Variants in CSN2 observed in about 807,000 individuals in gnomAD.
CSN2 encodes beta-casein.
Under a neutral mutation model 27.3 loss-of-function variants are expected in CSN2, and 27 were observed. The ratio of observed to expected loss-of-function variants is 0.99; its 90% CI spans 0.73 to 1.36. CSN2 has a LOEUF of 1.36. Ranked by LOEUF, CSN2 falls within the 40% of genes most tolerant of loss-of-function variation. The pLI is 0.00. For missense variants in CSN2, 333 were observed against 264.5 expected (o/e 1.26, Z -1.80); for synonymous variants, 131 against 94.8 (o/e 1.38, Z -2.22).
intron 5 of CSN2, among the ~76,000 whole-genome samples, chr4:69,958,044 T>C (rs1391199748): frequency 6.6e-6 from 1 of 152,190 alleles, no homozygotes; most frequent in Non-Finnish European, 1.5e-5. Flanking sequence ...GAAATCAATG[T>C]TTGGATATTT....
intron 1 of CSN2, among the ~76,000 whole-genome samples, chr4:69,964,783 A>G (rs1723741396): frequency 6.7e-6 from 1 of 149,578 alleles, no homozygotes; most frequent in Non-Finnish European, 1.5e-5. Context: ...AATTTTATAT[A>G]CGAATGTATA....
intron 1 of CSN2, among the ~76,000 whole-genome samples, chr4:69,964,859 A>ACTCATTTCTAT (rs1175192941): frequency 1.3e-5 from 2 of 150,332 alleles, no homozygotes; most frequent in African/African-American, 2.4e-5. Context: ...TAGTTTTTAT[A>ACTCATTTCTAT]CTCATTTCTA....
At position 69,956,679 on chromosome 4, in the gene CSN2, C is replaced by T. The variant is rs111915818; in HGVS notation, c.676-324G>A. ...GATGTGCACAAGGAAAATGACAGAA[C>T]ATTTTTTAGCTTTTTTTTCCAAATT... is the stretch of plus-strand genomic sequence containing the variant. On this transcript the variant is annotated intron_variant, in intron 6 of 7. Transcript: ENST00000353151. 1.8e-4 allele frequency among the ~76,000 whole-genome samples: 28 copies of T among 152,220 alleles called. 1 individual carries two copies. The highest frequency in any genetic ancestry group is 6.0e-4 in the African/African-American group (25 of 41,562).
chr4:69,960,751 G>A (rs1723547622), intron 2 of CSN2, among the ~76,000 whole-genome samples, 194 bp downstream of exon 2: 1 of 152,046 alleles, frequency 6.6e-6, no homozygotes, highest in African/African-American at 2.4e-5. Flanking sequence ...CATTGGTGCA[G>A]GAAGCATTTG....
At chr4:69,961,063 T>C in intron 1 of CSN2, 56 bp from the exon 2 acceptor site, 1 of 1,242,036 alleles carries the variant, frequency 8.1e-7, no homozygotes, top group Non-Finnish European at 1.2e-6. Context: ...ATATACTTTC[T>C]TATGTAGGTA....
At position 69,957,411 on chromosome 4, in the gene CSN2, G is replaced by C; in HGVS notation, c.538C>G (p.Pro180Ala). 1.9e-6 allele frequency: 3 copies of C among 1,613,644 alleles called. No homozygotes were observed. Among genetic ancestry groups the C allele is most frequent in the African/African-American group, 1.3e-5 (1 of 74,984 alleles). The change falls in exon 6 of 8, where the codon CCC (proline) becomes GCC (alanine). Residue 180 changes from proline (P) to alanine (A), a missense_variant. Coordinates refer to ENST00000353151, the MANE Select transcript of CSN2 (RefSeq NM_001891.4). ...SVPQPKVLPI[P>A]QQVVPYPQRA... ...TGAGGGTAGGGCACCACTTGCTGGGGGATAGGCAGGACTTTGGGCTGAGGA... is the reference window on the plus strand; with the variant it reads ...TGAGGGTAGGGCACCACTTGCTGGGCGATAGGCAGGACTTTGGGCTGAGGA...
chr4:69,956,408 G>T (rs1439474364), intron 6 of CSN2, 53 bp from the exon 7 acceptor site: 12 of 1,291,704 alleles, frequency 9.3e-6, no homozygotes, highest in Non-Finnish European at 1.0e-5. Context: ...AAGAAAACTT[G>T]CCTTAAGAAT....
In CSN2 at chr4:69,960,053, C is replaced by A; in HGVS notation, c.78G>T (p.Glu26Asp). 6.2e-7 allele frequency: 1 copy of A among 1,611,186 alleles called. No homozygotes were observed. The highest frequency in any genetic ancestry group is 1.7e-5 in the Admixed American group (1 of 59,778). Residue 26 changes from glutamate to aspartate, a missense_variant and splice_region_variant, in exon 3 of 8, where the codon GAG becomes GAT. Coordinates refer to ENST00000353151, the MANE Select transcript of CSN2 (RefSeq NM_001891.4). ...RETIESLSSS[E>D]ESITEYKQKV... ...AAAATTGGGTAGAATGTTAACTTAC[C>A]TCACTGCTTGAAAGGCTTTCTATGG...
chr4:69,960,104 C>A (rs752138325), intron 2 of CSN2, 25 bp from the exon 3 acceptor site: 2 of 1,606,534 alleles, frequency 1.2e-6, no homozygotes, highest in East Asian at 2.2e-5. Context: ...AATTGACAAC[C>A]AGCTAAATCT....
Position 69,955,569 on chromosome 4 carries a change from T to A in CSN2, c.*60A>T, listed in dbSNP as rs1220035238. On this transcript the variant is annotated 3_prime_UTR_variant, in exon 8 of 8. Coordinates refer to ENST00000353151, the MANE Select transcript of CSN2 (RefSeq NM_001891.4). ...ACGTGATACAAAGACGGAAAAGGCATCATATTTCCAGTCTCAGTCAATTCT... is the reference window on the plus strand; with the variant it reads ...ACGTGATACAAAGACGGAAAAGGCAACATATTTCCAGTCTCAGTCAATTCT... The A allele has an allele frequency of 6.6e-6, 1 of 152,534 alleles. No individual in the cohort carries two copies. The highest frequency in any genetic ancestry group is 1.5e-5 in the Non-Finnish European group (1 of 67,966). 9.4% of individuals were successfully genotyped at this position (152,534 alleles called of 1,614,324 possible).
In CSN2 at chr4:69,955,437, A is replaced by G. The variant is rs569793530; in HGVS notation, c.*192T>C. ...AAGATTTGGAAAATGTAAATAGTTC[A>G]TGAGTCAAATTTCAAATTAAATGAA... On this transcript the variant is annotated 3_prime_UTR_variant, in exon 8 of 8. Transcript: ENST00000353151. The G allele has an allele frequency of 2.6e-5, 4 of 152,630 alleles. No individual in the cohort carries two copies. Among genetic ancestry groups the G allele is most frequent in the Admixed American group, 1.3e-4 (2 of 15,278 alleles). 9.5% of individuals were successfully genotyped at this position (152,630 alleles called of 1,614,324 possible).
chr4:69,964,629 A>G (rs960003813), intron 1 of CSN2, among the ~76,000 whole-genome samples: 1 of 151,410 alleles, frequency 6.6e-6, no homozygotes, highest in African/African-American at 2.4e-5. Context: ...ATAAGTTCCC[A>G]AATTTTTATG....
chr4:69,960,186 G>A (rs969310964), intron 2 of CSN2, 107 bp from the exon 3 acceptor site: 5 of 944,166 alleles, frequency 5.3e-6, no homozygotes, highest in African/African-American at 5.0e-5. Context: ...TCACCTCAGA[G>A]GATGCATTGG....
chr4:69,958,624 C>A (rs1723476638), intron 5 of CSN2, among the ~76,000 whole-genome samples: 1 of 152,098 alleles, frequency 6.6e-6, no homozygotes, highest in African/African-American at 2.4e-5. Context: ...TAGTTCCCAA[C>A]CTGGAAATGT....
intron 6 of CSN2, among the ~76,000 whole-genome samples, chr4:69,956,666 GA>G (rs1396512636): frequency 6.6e-6 from 1 of 152,104 alleles, no homozygotes; most frequent in African/African-American, 2.4e-5. Context: ...TGTGCACAAG[GA>G]AAATGACAGA....
intron 1 of CSN2, among the ~76,000 whole-genome samples, chr4:69,962,776 A>T (rs1723641138): frequency 6.6e-6 from 1 of 152,232 alleles, no homozygotes; most frequent in Non-Finnish European, 1.5e-5. Context: ...AGCAAAAGAA[A>T]CTACCATCAG....
Position 69,960,070 on chromosome 4 carries a change from T to A in CSN2, c.61A>T (p.Ser21Cys), listed in dbSNP as rs1244627246. 1 of 1,611,964 alleles carries A rather than the reference T, an allele frequency of 6.2e-7. No homozygotes were observed. Among genetic ancestry groups the A allele is most frequent in the South Asian group, 1.1e-5 (1 of 90,958 alleles). The change falls in exon 3 of 8, where the codon AGC (serine) becomes TGC (cysteine). Residue 21 changes from serine (S) to cysteine (C), a missense_variant. Coordinates refer to ENST00000353151, the MANE Select transcript of CSN2 (RefSeq NM_001891.4). ...ALALARETIE[S>C]LSSSEESITE... ...TAACTTACCTCACTGCTTGAAAGGC[T>A]TTCTATGGTCTGTGGGAAAAAAAAA...
intron 5 of CSN2, among the ~76,000 whole-genome samples, 168 bp from the exon 6 acceptor site, chr4:69,957,972 G>A (rs966731904): frequency 6.6e-6 from 1 of 152,124 alleles, no homozygotes; most frequent in Non-Finnish European, 1.5e-5. Context: ...AGAAAAATGA[G>A]TAAACTGTTT....
At chr4:69,962,716 A>G (rs1468368497) in intron 1 of CSN2, among the ~76,000 whole-genome samples, 1 of 152,236 alleles carries the variant, frequency 6.6e-6, no homozygotes. Context: ...AATGGCAACA[A>G]AAGCCAAAAT....
Sources: allele counts gnomAD v4.1 joint callset (sites outside exome capture counted in the v4.1 genomes callset), GRCh38; gene constraint gnomAD v4.1.1; transcripts MANE v1.5; gene names NCBI Gene and HGNC (gene_info 2026-07-23, HGNC 2026-07-21).